Variants in TBC1D19 observed in about 807,000 individuals in gnomAD.
TBC1D19 encodes the protein TBC1 domain family, member 19.
TBC1D19 carries 60 observed loss-of-function variants against 89.0 expected under a neutral mutation model. The ratio of observed to expected loss-of-function variants is 0.67; its 90% CI spans 0.55 to 0.84. The LOEUF (loss-of-function observed/expected upper bound fraction) is 0.84, where lower values mean the gene tolerates loss of function less well. Among genes scored for constraint, TBC1D19 ranks in the 40% least tolerant of loss-of-function variants. The pLI is 0.00. For missense variants in TBC1D19, 500 were observed against 610.8 expected, an observed-to-expected ratio of 0.82 and a Z score of 1.91; for synonymous variants, 189 against 199.7, an observed-to-expected ratio of 0.95 and a Z score of 0.45.
rs79244715 is a variant in TBC1D19, at chr4:26,726,056, G to A, written c.1084+5931G>A. On this transcript the variant is annotated intron_variant, in intron 15 of 20. Transcript: ENST00000264866. ...TCTTACATGACAGAAGAAAACAATT[G>A]TCAGTGAATATTGGGTAGGGGAGTT... 8.1e-3 allele frequency among the ~76,000 whole-genome samples: 1,219 copies of A among 151,312 alleles called. 26 individuals carry two copies. Among genetic ancestry groups the A allele is most frequent in the East Asian group, 0.057 (291 of 5,112 alleles).
At chr4:26,832,704 C>G in the TBC1D19 span, among the ~76,000 whole-genome samples, 1 of 152,100 alleles carries the variant, frequency 6.6e-6, no homozygotes, top group African/African-American at 2.4e-5. Context: ...ATCAAAACCA[C>G]TCTTCTGGAT....
chr4:26,676,730 A>G (rs1240761675), intron 11 of TBC1D19, among the ~76,000 whole-genome samples: 2 of 151,922 alleles, frequency 1.3e-5, no homozygotes, highest in Admixed American at 6.6e-5. Context: ...AAAAAAAAAA[A>G]AAAGAAATGT....
At chr4:26,687,888 C>T (rs1465623762) in intron 12 of TBC1D19, among the ~76,000 whole-genome samples, 1 of 152,104 alleles carries the variant, frequency 6.6e-6, no homozygotes, top group Non-Finnish European at 1.5e-5. Flanking sequence ...CATTCTTGCT[C>T]TCTCAGTAAC....
chr4:26,666,220 C>A, intron 8 of TBC1D19, 113 bp from the exon 9 acceptor site: 1 of 777,126 alleles, frequency 1.3e-6, no homozygotes, highest in Non-Finnish European at 2.1e-6. Context: ...TAAAGCAAAG[C>A]CTCATTTCAC....
At chr4:26,794,691 T>G in the TBC1D19 span, among the ~76,000 whole-genome samples, 1 of 152,234 alleles carries the variant, frequency 6.6e-6, no homozygotes. Context: ...TAGCTGAGTT[T>G]TAACTTTTAC....
intron 7 of TBC1D19, among the ~76,000 whole-genome samples, chr4:26,651,988 T>G (rs1451704145): frequency 6.6e-6 from 1 of 152,218 alleles, no homozygotes; most frequent in Non-Finnish European, 1.5e-5. Flanking sequence ...TTTTTGTCAT[T>G]GGTTCTGTTT....
intron 18 of TBC1D19, among the ~76,000 whole-genome samples, chr4:26,745,868 G>A (rs1315377028): frequency 6.6e-6 from 1 of 151,926 alleles, no homozygotes; most frequent in East Asian, 1.9e-4. Context: ...GGCCTAGATG[G>A]CTTCACTGGC....
intron 13 of TBC1D19, among the ~76,000 whole-genome samples, chr4:26,707,882 G>A (rs1186889482): frequency 6.6e-6 from 1 of 151,920 alleles, no homozygotes; most frequent in Admixed American, 6.6e-5. Flanking sequence ...TGTTACATCT[G>A]TGTACAGTGC....
chr4:26,583,729 C>A (rs115709329), upstream of TBC1D19, among the ~76,000 whole-genome samples: 161 of 152,248 alleles, frequency 1.1e-3, no homozygotes, highest in African/African-American at 3.6e-3. Context: ...AACACGTTTA[C>A]GCAGGTAGTG....
chr4:26,810,729 G>A, the TBC1D19 span, among the ~76,000 whole-genome samples: 260 of 152,134 alleles, frequency 1.7e-3, no homozygotes, highest in African/African-American at 5.8e-3. Flanking sequence ...AGTCTGGGTC[G>A]CACGTCCCTC....
the TBC1D19 span, among the ~76,000 whole-genome samples, chr4:26,773,268 G>T: frequency 6.6e-6 from 1 of 152,128 alleles, no homozygotes; most frequent in African/African-American, 2.4e-5. Context: ...GTCTTCTTTT[G>T]AGGAGTATCT....
At chr4:26,715,334 C>T (rs936966434) in intron 13 of TBC1D19, among the ~76,000 whole-genome samples, 1 of 152,016 alleles carries the variant, frequency 6.6e-6, no homozygotes, top group Non-Finnish European at 1.5e-5. Flanking sequence ...CTGTCTTTCT[C>T]CAAAATATCA....
chr4:26,578,155 C>T (rs1739008867), intron 1 of TBC1D19, among the ~76,000 whole-genome samples: 1 of 152,180 alleles, frequency 6.6e-6, no homozygotes, highest in African/African-American at 2.4e-5. Flanking sequence ...GGTCCCTGCC[C>T]TAGTCCCCTT....
At chr4:26,726,643 C>A (rs377010540) in intron 15 of TBC1D19, among the ~76,000 whole-genome samples, 1 of 152,116 alleles carries the variant, frequency 6.6e-6, no homozygotes, top group Admixed American at 6.5e-5. Context: ...TCTTACTGAC[C>A]TGTAGGCTAC....
At chr4:26,696,443 G>T (rs1438335227) in intron 13 of TBC1D19, among the ~76,000 whole-genome samples, 1 of 152,188 alleles carries the variant, frequency 6.6e-6, no homozygotes, top group East Asian at 1.9e-4. Flanking sequence ...ACATTAGACA[G>T]ATCAACCAGA....
At chr4:26,799,952 T>TTA in the TBC1D19 span, among the ~76,000 whole-genome samples, 8 of 151,886 alleles carry the variant, frequency 5.3e-5, 1 homozygote, top group South Asian at 8.3e-4. Flanking sequence ...TTCTTTTTTT[T>TTA]AAAAAACTGT....
At chr4:26,695,964 A>C (rs1661266659) in intron 13 of TBC1D19, among the ~76,000 whole-genome samples, 1 of 152,232 alleles carries the variant, frequency 6.6e-6, no homozygotes, top group Non-Finnish European at 1.5e-5. Context: ...CGAACAAAAT[A>C]ACCAGCTAAC....
intron 13 of TBC1D19, among the ~76,000 whole-genome samples, chr4:26,689,428 A>G (rs1677832557): frequency 6.6e-6 from 1 of 152,086 alleles, no homozygotes; most frequent in South Asian, 2.1e-4. Flanking sequence ...TACTCAGTAA[A>G]TTTTTGAATA....
chr4:26,629,288 C>T (rs146865145), intron 4 of TBC1D19, among the ~76,000 whole-genome samples: 65 of 152,126 alleles, frequency 4.3e-4, no homozygotes, highest in African/African-American at 1.5e-3. Context: ...TAGGATGGCT[C>T]TCTGACTCCC....
Sources: gnomAD v4.1 joint callset for allele counts (sites outside exome capture counted in the v4.1 genomes callset) on GRCh38, gnomAD v4.1.1 for gene constraint, MANE v1.5 for transcripts, NCBI Gene and HGNC (gene_info 2026-07-23, HGNC 2026-07-21) for gene names.